The following KPNA1 variants were observed in gnomAD, a reference collection of about 807,000 sequenced individuals.
KPNA1 encodes the protein karyopherin subunit alpha 1, also known as importin subunit alpha-5.
KPNA1 carries 10 observed loss-of-function variants against 70.5 expected under a neutral mutation model. The ratio of observed to expected loss-of-function variants is 0.14; its 90% CI spans 0.09 to 0.24. KPNA1 has a LOEUF of 0.24. KPNA1 is among the 10% of genes least tolerant of loss of function. The pLI is 1.00. For synonymous variants in KPNA1, 192 were observed against 221.9 expected (o/e 0.87, Z 1.20); for missense variants, 397 against 637.9 (o/e 0.62, Z 4.07).
intron 12 of KPNA1, among the ~76,000 whole-genome samples, chr3:122,430,933 T>G (rs1161825177): frequency 6.6e-6 from 1 of 152,182 alleles, no homozygotes; most frequent in South Asian, 2.1e-4. Context: ...GAACGACCTA[T>G]AGCAAGACTG....
intron 1 of KPNA1, among the ~76,000 whole-genome samples, chr3:122,499,002 ATT>A (rs1256394308): frequency 6.6e-6 from 1 of 152,214 alleles, no homozygotes; most frequent in Non-Finnish European, 1.5e-5. Context: ...TGGAAATGAA[ATT>A]GTTTTAATTC....
In KPNA1 at chr3:122,422,603, C is replaced by T. The variant is rs1322488959; in HGVS notation, c.*4382G>A. ...GGAGATCCTGGGCACGGAACTACTGCGTGGCCACTGCTTTCTTCAAGACAC... is the reference window on the plus strand; with the variant it reads ...GGAGATCCTGGGCACGGAACTACTGTGTGGCCACTGCTTTCTTCAAGACAC... On this transcript the variant is annotated 3_prime_UTR_variant, in exon 14 of 14. Coordinates refer to ENST00000344337, the MANE Select transcript of KPNA1 (RefSeq NM_002264.4). 2 of 152,202 alleles carry T rather than the reference C, an allele frequency of 1.3e-5. No individual in the cohort carries two copies. The highest frequency in any genetic ancestry group is 1.9e-4 in the East Asian group (1 of 5,202). 9.4% of individuals were successfully genotyped at this position (152,202 alleles called of 1,614,324 possible).
chr3:122,487,283 T>C (rs2076640191), intron 2 of KPNA1, among the ~76,000 whole-genome samples: 2 of 152,162 alleles, frequency 1.3e-5, no homozygotes, highest in South Asian at 4.1e-4. Flanking sequence ...ACATCACTTA[T>C]CATTAGACAA....
chr3:122,502,199 T>TA (rs1355284075), intron 1 of KPNA1, among the ~76,000 whole-genome samples: 20 of 152,272 alleles, frequency 1.3e-4, no homozygotes, highest in African/African-American at 4.8e-4. Context: ...AAATACAAGA[T>TA]AGAGCTAGGA....
chr3:122,423,541 A>T lies in KPNA1; in HGVS notation c.*3444T>A, dbSNP rs1250197502. 2.0e-5 allele frequency: 3 copies of T among 152,614 alleles called. No individual in the cohort carries two copies. Among genetic ancestry groups the T allele is most frequent in the Non-Finnish European group, 1.5e-5 (1 of 68,030 alleles). 9.5% of individuals were successfully genotyped at this position (152,614 alleles called of 1,614,324 possible). On this transcript the variant is annotated 3_prime_UTR_variant, in exon 14 of 14. Transcript: ENST00000344337. ...TAATGATTTGCCTATTGATATAAAA[A>T]TTTTCACAAAACTAGCGAGAAAGAA...
At chr3:122,512,583 G>A (rs1417899634) in intron 1 of KPNA1, among the ~76,000 whole-genome samples, 1 of 152,154 alleles carries the variant, frequency 6.6e-6, no homozygotes, top group African/African-American at 2.4e-5. Flanking sequence ...AATTAGCCGA[G>A]TGTGGCCTCA....
chr3:122,430,514 C>T (rs950011071), intron 12 of KPNA1, among the ~76,000 whole-genome samples: 1 of 84,052 alleles, frequency 1.2e-5, no homozygotes, highest in African/African-American at 4.1e-5. Context: ...ACTGTACTAC[C>T]AGTGTGTGTG....
In KPNA1 at chr3:122,437,242, T is replaced by C; in HGVS notation, c.1050A>G (p.Pro350=). Residue 350 remains proline (P), a synonymous_variant, in exon 11 of 14, where the codon CCA becomes CCG. Transcript: ENST00000344337. ...LQSLLHLLSS[P]KESIKKEACW... is the part of the protein sequence containing the mutation. Reference sequence around the variant, plus strand: ...ATGCTTCCTTTTTGATAGATTCCTTTGGGCTACTCAGCAAATGCAATAAAC... The same window carrying C: ...ATGCTTCCTTTTTGATAGATTCCTTCGGGCTACTCAGCAAATGCAATAAAC... 6.2e-7 allele frequency: 1 copy of C among 1,613,944 alleles called. No homozygotes were observed.
intron 1 of KPNA1, among the ~76,000 whole-genome samples, chr3:122,500,978 A>C (rs560111457): frequency 2.0e-5 from 3 of 150,350 alleles, no homozygotes; most frequent in South Asian, 2.1e-4. Context: ...CAGTCACTTA[A>C]AGTGGAAAGT....
At chr3:122,496,319 A>ACACACACAC in intron 2 of KPNA1, 118 bp downstream of exon 2, 1 of 439,332 alleles carries the variant, frequency 2.3e-6, no homozygotes, top group Admixed American at 3.8e-5. Context: ...AGAAGGGGAA[A>ACACACACAC]ACACACACAC....
intron 2 of KPNA1, among the ~76,000 whole-genome samples, chr3:122,474,298 C>T (rs1315249058): frequency 6.6e-6 from 1 of 152,104 alleles, no homozygotes; most frequent in Non-Finnish European, 1.5e-5. Flanking sequence ...AGATTCAATG[C>T]AATTACAATC....
At chr3:122,466,337 G>A (rs1224145431) in intron 3 of KPNA1, among the ~76,000 whole-genome samples, 2 of 151,894 alleles carry the variant, frequency 1.3e-5, no homozygotes, top group Non-Finnish European at 2.9e-5. Context: ...GTTGCCAATG[G>A]AGAAAAATAC....
At chr3:122,454,539 A>T (rs1167556411) in intron 5 of KPNA1, among the ~76,000 whole-genome samples, 1 of 152,244 alleles carries the variant, frequency 6.6e-6, no homozygotes, top group Non-Finnish European at 1.5e-5. Flanking sequence ...GTTATCTAAT[A>T]AAAAAGATTT....
chr3:122,476,859 C>CAAAAAAAA (rs1491284627), intron 2 of KPNA1, among the ~76,000 whole-genome samples: 1 of 13,976 alleles, frequency 7.2e-5, no homozygotes, highest in Non-Finnish European at 2.4e-4. Context: ...ATGGAGGTTC[C>CAAAAAAAA]ACAAAAAAAA....
chr3:122,495,262 C>CAAAAAAAAAAAAAAAAAAAA lies in KPNA1; in HGVS notation c.129+1174_129+1175insTTTTTTTTTTTTTTTTTTTT, dbSNP rs748751423. Among the ~76,000 whole-genome samples the CAAAAAAAAAAAAAAAAAAAA allele has an allele frequency of 7.5e-3, 641 of 85,666 alleles. 10 individuals carry two copies. The highest frequency in any genetic ancestry group is 0.013 in the East Asian group (33 of 2,570). The allele number at this position is 85,666 out of a possible 152,430, so 56.2% of individuals were successfully genotyped here. ...GAGCGAGACTCTGCCTCAAACAAAC[C>CAAAAAAAAAAAAAAAAAAAA]AAAAAAAAAAAAAGAAAAGGAAATT... On this transcript the variant is annotated intron_variant, in intron 2 of 13. Transcript: ENST00000344337.
intron 12 of KPNA1, among the ~76,000 whole-genome samples, chr3:122,428,296 TAGTC>T (rs377158072): frequency 6.6e-6 from 1 of 152,200 alleles, no homozygotes; most frequent in Admixed American, 6.5e-5. Context: ...TCACAGTAAA[TAGTC>T]ATGTCATTTT....
Position 122,457,672 on chromosome 3 carries a change from C to T in KPNA1, c.432+3552G>A, listed in dbSNP as rs943784301. 26 of 1,248,430 alleles carry T rather than the reference C, an allele frequency of 2.1e-5. No individual in the cohort carries two copies. In the East Asian group the frequency reaches 7.3e-4, roughly 35 times the overall value. The allele number at this position is 1,248,430 out of a possible 1,614,324, so 77.3% of individuals were successfully genotyped here. On this transcript the variant is annotated intron_variant, in intron 5 of 13. Transcript: ENST00000344337. ...CCCTTTCTTAGTCTCTACCTTCTGG[C>T]GCTCAGTTCCTTAAATAAGGAAAAT...
At chr3:122,489,588 C>T (rs746851313) in intron 2 of KPNA1, among the ~76,000 whole-genome samples, 3 of 152,066 alleles carry the variant, frequency 2.0e-5, no homozygotes, top group Non-Finnish European at 2.9e-5. Context: ...TTTTATCTTC[C>T]ATGTCTCTAA....
intron 2 of KPNA1, among the ~76,000 whole-genome samples, chr3:122,469,872 T>A (rs1052044425): frequency 6.6e-6 from 1 of 152,216 alleles, no homozygotes; most frequent in Non-Finnish European, 1.5e-5. Context: ...ATATTTGAAG[T>A]GTTGAGAGAG....
Sources: allele counts gnomAD v4.1 joint callset (sites outside exome capture counted in the v4.1 genomes callset), GRCh38; gene constraint gnomAD v4.1.1; transcripts MANE v1.5; gene names NCBI Gene and HGNC (gene_info 2026-07-23, HGNC 2026-07-21).